Variants in WDFY3 observed in about 807,000 individuals in gnomAD.
WDFY3 encodes the protein WD repeat and FYVE domain containing 3, also known as WD repeat and FYVE domain-containing protein 3.
In WDFY3, 66 loss-of-function variants were observed where a neutral mutation model predicts 409.6. The ratio of observed to expected loss-of-function variants is 0.16; its 90% CI spans 0.13 to 0.20. The LOEUF is 0.20. WDFY3 is among the 10% of genes least tolerant of loss of function. The pLI, the probability that WDFY3 is intolerant of heterozygous loss-of-function variation, is 1.00. For missense variants in WDFY3, 3,031 were observed against 4,298.1 expected, an observed-to-expected ratio of 0.71 and a Z score of 8.24; for synonymous variants, 1,521 against 1,537.1, an observed-to-expected ratio of 0.99 and a Z score of 0.25.
At chr4:84,947,651 G>T (rs949343023) in intron 1 of WDFY3, among the ~76,000 whole-genome samples, 2 of 147,216 alleles carry the variant, frequency 1.4e-5, no homozygotes, top group African/African-American at 5.0e-5. Flanking sequence ...AGTCAAGATC[G>T]CTTGAGTCCA....
Position 84,810,339 on chromosome 4 carries a change from G to A in WDFY3, c.1893C>T (p.Leu631=). Residue 631 remains leucine (L), a synonymous_variant, in exon 14 of 68, where the codon CTC becomes CTT. Coordinates refer to ENST00000295888, the MANE Select transcript of WDFY3 (RefSeq NM_014991.6). ...LQLKTDILRA[L]LSVLRESHRS... ...GATGGCTTTCTCGAAGGACCGACAG[G>A]AGGGCCTACAGGAGACAAAAGAAAA... 2 of 1,596,420 alleles carry A rather than the reference G, an allele frequency of 1.3e-6. No homozygotes were observed. The highest frequency in any genetic ancestry group is 1.7e-6 in the Non-Finnish European group (2 of 1,172,356).
At chr4:84,763,635 G>A (rs1166315487) in intron 32 of WDFY3, among the ~76,000 whole-genome samples, 3 of 151,212 alleles carry the variant, frequency 2.0e-5, no homozygotes, top group Non-Finnish European at 4.4e-5. Flanking sequence ...TTGCCATTCC[G>A]ATCAAGGAGA....
chr4:84,682,551 T>G (rs1469713603), intron 63 of WDFY3, 81 bp from the exon 64 acceptor site: 15 of 1,091,920 alleles, frequency 1.4e-5, no homozygotes, highest in Non-Finnish European at 1.9e-5. Flanking sequence ...GAAGAGAGAC[T>G]GTCAGGGTTA....
chr4:84,905,209 GC>G, intron 2 of WDFY3, among the ~76,000 whole-genome samples: 2 of 152,114 alleles, frequency 1.3e-5, no homozygotes, highest in Non-Finnish European at 2.9e-5. Flanking sequence ...CATGGCGTGT[GC>G]CTGTAATCCC....
At chr4:84,715,193 G>A (rs1733651749) in intron 50 of WDFY3, 105 bp downstream of exon 50, 5 of 619,756 alleles carry the variant, frequency 8.1e-6, no homozygotes. Context: ...CTTCAAAGAT[G>A]TTGGCTCATT....
intron 59 of WDFY3, 143 bp downstream of exon 59, chr4:84,692,742 G>A (rs2148865104): frequency 1.4e-6 from 1 of 727,538 alleles, no homozygotes; most frequent in Non-Finnish European, 2.1e-6. Flanking sequence ...ATACTAGTAG[G>A]TATTTAGTAA....
chr4:84,680,589 A>G (rs1463102674), intron 64 of WDFY3, among the ~76,000 whole-genome samples: 1 of 152,234 alleles, frequency 6.6e-6, no homozygotes, highest in Non-Finnish European at 1.5e-5. Context: ...GAAAATGTAT[A>G]AGAAACAAGT....
At chr4:84,775,363 C>T (rs1745374027) in intron 27 of WDFY3, among the ~76,000 whole-genome samples, 1 of 151,562 alleles carries the variant, frequency 6.6e-6, no homozygotes, top group African/African-American at 2.4e-5. Flanking sequence ...GTTCAAATAC[C>T]CTCCATATGC....
At chr4:84,887,676 T>C (rs1764410698) in intron 3 of WDFY3, among the ~76,000 whole-genome samples, 2 of 152,230 alleles carry the variant, frequency 1.3e-5, no homozygotes, top group Admixed American at 6.5e-5. Context: ...ATTTAAAATA[T>C]GGAAGCTCAG....
At chr4:84,818,516 A>G (rs900859672) in intron 12 of WDFY3, among the ~76,000 whole-genome samples, 1 of 152,200 alleles carries the variant, frequency 6.6e-6, no homozygotes, top group East Asian at 1.9e-4. Context: ...GTATTCTGCT[A>G]TAGCAGCCAC....
chr4:84,839,683 C>T (rs1196405669), intron 6 of WDFY3, among the ~76,000 whole-genome samples: 1 of 151,852 alleles, frequency 6.6e-6, no homozygotes, highest in East Asian at 1.9e-4. Context: ...CATGGTGAAA[C>T]CCCGTCTCTA....
intron 4 of WDFY3, among the ~76,000 whole-genome samples, chr4:84,859,196 T>C (rs375786428): frequency 4.1e-4 from 62 of 152,144 alleles, no homozygotes; most frequent in African/African-American, 1.5e-3. Context: ...AAAATAAAGG[T>C]AGTATAGTAT....
At chr4:84,709,137 T>C (rs1732475683) in intron 52 of WDFY3, 109 bp from the exon 53 acceptor site, 1 of 1,480,946 alleles carries the variant, frequency 6.8e-7, no homozygotes, top group African/African-American at 1.4e-5. Context: ...TTTTAACAGA[T>C]TTCAGAACAA....
chr4:84,723,970 A>C (rs1467427363), intron 46 of WDFY3, among the ~76,000 whole-genome samples: 26 of 152,202 alleles, frequency 1.7e-4, no homozygotes. Context: ...ATCTCTCTCA[A>C]CTCATAGGAA....
In WDFY3 at chr4:84,821,061, T is replaced by TA. The variant is rs745724081; in HGVS notation, c.1591+22dup. 3.2e-6 allele frequency: 5 copies of TA among 1,545,530 alleles called. No individual in the cohort carries two copies. The South Asian group carries it at 6.3e-5, about 19-fold the overall frequency. On this transcript the variant is annotated intron_variant, in intron 11 of 67. Transcript: ENST00000295888. ...TTTTGAACCCCTTTTCAAATAAAAATAAAATTACAGACAATACTTTACCTT... is the reference window on the plus strand; with the variant it reads ...TTTTGAACCCCTTTTCAAATAAAAATAAAAATTACAGACAATACTTTACCTT...
At chr4:84,741,727 A>G (rs767342301) in intron 38 of WDFY3, 34 bp downstream of exon 38, 2 of 1,544,270 alleles carry the variant, frequency 1.3e-6, no homozygotes, top group African/African-American at 2.7e-5. Flanking sequence ...ACAGGAAAAC[A>G]TGTACTCTAC....
chr4:84,789,657 ACACACACACACACC>A lies in WDFY3; in HGVS notation c.3669+55_3669+68del, dbSNP rs1269044936. Reference sequence around the variant, plus strand: ...AACACACACACACACACACACACACACACACACACACACCCCCCAAACTACTACCTTATAAAACA... The same window carrying A: ...AACACACACACACACACACACACACACCCCAAACTACTACCTTATAAAACA... On this transcript the variant is annotated intron_variant, in intron 22 of 67. Coordinates refer to ENST00000295888, the MANE Select transcript of WDFY3 (RefSeq NM_014991.6). 450 of 1,479,374 alleles carry A rather than the reference ACACACACACACACC, an allele frequency of 3.0e-4. 9 individuals carry two copies. The highest frequency in any genetic ancestry group is 3.7e-4 in the East Asian group (16 of 43,748). 91.6% of individuals were successfully genotyped at this position (1,479,374 alleles called of 1,614,324 possible).
intron 24 of WDFY3, among the ~76,000 whole-genome samples, chr4:84,783,862 TACACACACACACACACACAC>T (rs137878462): frequency 7.1e-6 from 1 of 140,856 alleles, no homozygotes; most frequent in African/African-American, 2.6e-5. Flanking sequence ...GTGTCATACA[TACACACACACACACACACAC>T]ACACACACAC....
At chr4:84,894,203 TTAAA>T in intron 3 of WDFY3, among the ~76,000 whole-genome samples, 1 of 152,184 alleles carries the variant, frequency 6.6e-6, no homozygotes, top group East Asian at 1.9e-4. Flanking sequence ...ACAATATATG[TTAAA>T]TAAATACAGC....
Sources: allele counts gnomAD v4.1 joint callset (sites outside exome capture counted in the v4.1 genomes callset), GRCh38; gene constraint gnomAD v4.1.1; transcripts MANE v1.5; gene names NCBI Gene and HGNC (gene_info 2026-07-23, HGNC 2026-07-21).